MEGF6: variants seen among roughly 807,000 people sequenced by gnomAD.
MEGF6 encodes the protein multiple EGF like domains 6, also known as multiple epidermal growth factor-like domains protein 6.
MEGF6 carries 184 observed loss-of-function variants against 207.1 expected under a neutral mutation model. That is an observed-to-expected ratio of 0.89 (90% CI 0.79 to 1.00). The LOEUF (loss-of-function observed/expected upper bound fraction) is 1.00. Among genes scored for constraint, MEGF6 ranks in the 50% least tolerant of loss-of-function variants. MEGF6 has a pLI of 0.00. For synonymous variants in MEGF6, 1,038 were observed against 910.0 expected, an observed-to-expected ratio of 1.14 and a Z score of -2.53; for missense variants, 2,282 against 2,202.9, an observed-to-expected ratio of 1.04 and a Z score of -0.72.
chr1:3,513,062 G>A (rs1201049331), intron 7 of MEGF6, among the ~76,000 whole-genome samples: 1 of 152,182 alleles, frequency 6.6e-6, no homozygotes, highest in Non-Finnish European at 1.5e-5. Context: ...GCACCTGCCT[G>A]CAACCTGACT....
chr1:3,501,087 T>C lies in MEGF6; in HGVS notation c.2454A>G (p.Pro818=), dbSNP rs1640841387. 1 of 1,612,722 alleles carries C rather than the reference T, an allele frequency of 6.2e-7. No homozygotes were observed. Among genetic ancestry groups the C allele is most frequent in the Non-Finnish European group, 8.5e-7 (1 of 1,179,900 alleles). ...GGCAGCTGGGACCATACCAGCCTGC[T>C]GGGCACACTACAGGCAGGCGAGAGA... ...FVGSRCQDVC[P]AGWYGPSCQT... Residue 818 remains proline (P), a synonymous_variant, in exon 20 of 37, where the codon CCA becomes CCG. Coordinates refer to ENST00000356575, the MANE Select transcript of MEGF6 (RefSeq NM_001409.4).
chr1:3,520,364 C>A (rs548503183), intron 5 of MEGF6, among the ~76,000 whole-genome samples: 6 of 152,352 alleles, frequency 3.9e-5, no homozygotes, highest in Admixed American at 1.3e-4. Context: ...GAGTGTTGCA[C>A]GCTGGCACTC....
At chr1:3,579,156 G>A (rs1369411351) in intron 4 of MEGF6, among the ~76,000 whole-genome samples, 1 of 152,246 alleles carries the variant, frequency 6.6e-6, no homozygotes, top group Non-Finnish European at 1.5e-5. Context: ...AGAAACCCGG[G>A]ACAGAGCAGG....
chr1:3,615,874 C>A (rs922433059), upstream of MEGF6, among the ~76,000 whole-genome samples: 1 of 152,246 alleles, frequency 6.6e-6, no homozygotes, highest in African/African-American at 2.4e-5. Context: ...CAGAACTGGG[C>A]TTGGCTCAGA....
chr1:3,496,659 G>A lies in MEGF6; in HGVS notation c.3738C>T (p.Asn1246=), dbSNP rs781567623. 1 of 1,575,188 alleles carries A rather than the reference G, an allele frequency of 6.3e-7. No individual in the cohort carries two copies. Among genetic ancestry groups the A allele is most frequent in the South Asian group, 1.2e-5 (1 of 86,224 alleles). The change falls in exon 29 of 37, where the codon AAC becomes AAT. Residue 1246 remains asparagine, a synonymous_variant. Transcript: ENST00000356575. The stretch of plus-strand genomic sequence containing the variant: ...CTGCTGCCACCAGCCACTCACTGAG[G>A]TTGCAGTCCGTCCCGAGGAACCCAG... ...CPTGFLGTDC[N]LTCPQGRFGP...
At chr1:3,513,612 A>T (rs1641432239) in intron 7 of MEGF6, among the ~76,000 whole-genome samples, 1 of 97,036 alleles carries the variant, frequency 1.0e-5, no homozygotes, top group Admixed American at 1.4e-4. Context: ...TTTTTAAGAG[A>T]CAGAATCTTG....
At chr1:3,540,450 G>T (rs996295328) in intron 4 of MEGF6, among the ~76,000 whole-genome samples, 1 of 152,226 alleles carries the variant, frequency 6.6e-6, no homozygotes, top group Admixed American at 6.5e-5. Flanking sequence ...CTTTGCAACC[G>T]GAAGGCCCAG....
chr1:3,509,351 C>G, intron 11 of MEGF6, 106 bp from the exon 12 acceptor site: 2 of 995,188 alleles, frequency 2.0e-6, no homozygotes, highest in South Asian at 4.2e-5. Context: ...GGAACCCCAC[C>G]ACCCTCCTAC....
intron 2 of MEGF6, among the ~76,000 whole-genome samples, chr1:3,598,655 C>T (rs1470479307): frequency 6.6e-6 from 1 of 152,066 alleles, no homozygotes; most frequent in Non-Finnish European, 1.5e-5. Context: ...AGCACCAGCC[C>T]ACACGGGCTC....
chr1:3,531,349 C>T (rs1642162408), intron 4 of MEGF6: 7 of 1,201,386 alleles, frequency 5.8e-6, no homozygotes, highest in Non-Finnish European at 1.0e-6. Context: ...TTCTGGGTTC[C>T]GGGCGGGCGC....
rs997678906 is a variant in MEGF6 at position 3,556,997 on chromosome 1, C to T, written c.481+22828G>A. Among the ~76,000 whole-genome samples the T allele has an allele frequency of 3.9e-5, 6 of 152,002 alleles. No homozygotes were observed. The highest frequency in any genetic ancestry group is 8.8e-5 in the Non-Finnish European group (6 of 67,996). Reference sequence around the variant, plus strand: ...TGGAGTTTCATGGGTGCTGGGGATGCGGGGAAGGCAGGAGGGAAGGTCGGA... The same window carrying T: ...TGGAGTTTCATGGGTGCTGGGGATGTGGGGAAGGCAGGAGGGAAGGTCGGA... On this transcript the variant is annotated intron_variant, in intron 4 of 36. Transcript: ENST00000356575. This position sits in a 1 kb window ranked among gnomAD's most constrained non-coding sequence, Gnocchi z 4.4.
At position 3,490,603 on chromosome 1, in the gene MEGF6, G is replaced by A. The variant is rs572081683; in HGVS notation, c.4565-14C>T. The A allele has an allele frequency of 3.7e-6, 6 of 1,612,532 alleles. No homozygotes were observed. Among genetic ancestry groups the A allele is most frequent in the Middle Eastern group, 1.7e-4 (1 of 5,826 alleles). ...GCAGTGTGCCCGCTGGGGAAAAGGAGAAAAGAGGGCCAGTCCAGGGTGGGG... is the reference window on the plus strand; with the variant it reads ...GCAGTGTGCCCGCTGGGGAAAAGGAAAAAAGAGGGCCAGTCCAGGGTGGGG... On this transcript the variant is annotated splice_polypyrimidine_tract_variant and intron_variant, in intron 36 of 36. Transcript: ENST00000356575.
intron 4 of MEGF6, among the ~76,000 whole-genome samples, chr1:3,527,733 G>T (rs578131668): frequency 1.3e-5 from 2 of 152,322 alleles, no homozygotes; most frequent in African/African-American, 4.8e-5. Context: ...GCACCCACCT[G>T]AAGGGCTCAG....
chr1:3,559,304 G>A (rs906443088), intron 4 of MEGF6, among the ~76,000 whole-genome samples: 3 of 152,102 alleles, frequency 2.0e-5, no homozygotes, highest in Non-Finnish European at 4.4e-5. Flanking sequence ...TTAGGTTACT[G>A]GTCTTGCAAC....
chr1:3,607,414 T>C (rs1329389298), intron 1 of MEGF6, among the ~76,000 whole-genome samples: 1 of 152,148 alleles, frequency 6.6e-6, no homozygotes, highest in African/African-American at 2.4e-5. Context: ...TGGATGGCTC[T>C]TGCAGTGACC....
At chr1:3,493,012 C>T (rs1051053504) in intron 34 of MEGF6, 1 of 556,796 alleles carries the variant, frequency 1.8e-6, no homozygotes, top group African/African-American at 1.9e-5. Flanking sequence ...GCCCCAGGCA[C>T]ACGTCCAGAG....
intron 3 of MEGF6, among the ~76,000 whole-genome samples, chr1:3,582,031 G>A (rs1312893520): frequency 1.3e-5 from 2 of 151,372 alleles, no homozygotes; most frequent in Admixed American, 1.3e-4. Context: ...CTGCTGTCCC[G>A]GCTGAGGACA....
intron 3 of MEGF6, among the ~76,000 whole-genome samples, chr1:3,587,658 A>G (rs1228368409): frequency 6.6e-6 from 1 of 152,222 alleles, no homozygotes; most frequent in Non-Finnish European, 1.5e-5. Flanking sequence ...TAGCATCAAT[A>G]AAGTCTGACA....
At chr1:3,558,805 C>T (rs146499364) in intron 4 of MEGF6, among the ~76,000 whole-genome samples, 245 of 152,278 alleles carry the variant, frequency 1.6e-3, no homozygotes, top group Admixed American at 2.9e-3. Flanking sequence ...TTGTTTGCAG[C>T]GCTGAGCACC....
Sources: gnomAD v4.1 joint callset for allele counts (sites outside exome capture counted in the v4.1 genomes callset) on GRCh38, gnomAD v4.1.1 for gene constraint, Gnocchi (gnomAD v3.1) non-coding constraint, MANE v1.5 for transcripts, NCBI Gene and HGNC (gene_info 2026-07-23, HGNC 2026-07-21) for gene names.